The following TIAM1 variants were observed in gnomAD, a reference collection of about 807,000 sequenced individuals.
TIAM1 encodes TIAM Rac1 associated GEF 1.
Under a neutral mutation model 163.5 loss-of-function variants are expected in TIAM1, and 65 were observed. That is an observed-to-expected ratio of 0.40 (90% CI 0.33 to 0.49). TIAM1 has a LOEUF of 0.49. TIAM1 is among the 20% of genes least tolerant of loss of function. The pLI is 0.77. For missense variants in TIAM1, 1,789 were observed against 2,044.7 expected (o/e 0.87, Z 2.41); for synonymous variants, 833 against 810.1 (o/e 1.03, Z -0.48).
chr21:31,362,996 T>C (rs1285674710), intron 2 of TIAM1, among the ~76,000 whole-genome samples: 1 of 152,106 alleles, frequency 6.6e-6, no homozygotes, highest in Non-Finnish European at 1.5e-5. Flanking sequence ...TGCACCTCCA[T>C]ACTTCTTCCA....
At chr21:31,442,109 A>G (rs1429138662) in intron 2 of TIAM1, among the ~76,000 whole-genome samples, 1 of 138,888 alleles carries the variant, frequency 7.2e-6, no homozygotes, top group Non-Finnish European at 1.6e-5. Context: ...GTATTGTAAC[A>G]GGGAAAAGAG....
At chr21:31,191,627 A>G (rs2085566174) in intron 13 of TIAM1, among the ~76,000 whole-genome samples, 1 of 152,242 alleles carries the variant, frequency 6.6e-6, no homozygotes. Flanking sequence ...TGGTCACAAA[A>G]GAGTGGAAAT....
intron 3 of TIAM1, among the ~76,000 whole-genome samples, chr21:31,273,036 G>A (rs916765489): frequency 4.6e-5 from 7 of 152,102 alleles, no homozygotes; most frequent in Non-Finnish European, 1.0e-4. Context: ...CCCAGCTAAT[G>A]ACAACTAAAA....
chr21:31,530,612 T>C (rs940033111), intron 1 of TIAM1, among the ~76,000 whole-genome samples: 1 of 152,208 alleles, frequency 6.6e-6, no homozygotes. Context: ...CCCGACTGTA[T>C]GAGCCCCCCT....
intron 13 of TIAM1, among the ~76,000 whole-genome samples, chr21:31,193,810 A>G (rs967841452): frequency 6.6e-6 from 1 of 152,226 alleles, no homozygotes; most frequent in Non-Finnish European, 1.5e-5. Flanking sequence ...TGAATCGGGA[A>G]AAGCTAGCTG....
intron 1 of TIAM1, among the ~76,000 whole-genome samples, chr21:31,341,956 G>C (rs2147098062): frequency 6.6e-6 from 1 of 152,204 alleles, no homozygotes; most frequent in African/African-American, 2.4e-5. Flanking sequence ...AAGACTGATG[G>C]GGAAAAGGTA....
intron 2 of TIAM1, among the ~76,000 whole-genome samples, chr21:31,367,255 C>T (rs2076519567): frequency 6.6e-6 from 1 of 152,124 alleles, no homozygotes; most frequent in East Asian, 1.9e-4. Flanking sequence ...CTTTCAGTTG[C>T]AAGCCCTATG....
At chr21:31,326,114 G>A (rs530660275) in intron 2 of TIAM1, among the ~76,000 whole-genome samples, 205 of 152,220 alleles carry the variant, frequency 1.3e-3, no homozygotes, top group Non-Finnish European at 2.4e-3. Context: ...TGACCCCAGC[G>A]AGACCCCAAC....
intron 1 of TIAM1, among the ~76,000 whole-genome samples, chr21:31,486,215 C>A (rs1420017069): frequency 6.6e-6 from 1 of 152,208 alleles, no homozygotes; most frequent in Non-Finnish European, 1.5e-5. Flanking sequence ...TCCCAGCCAT[C>A]CAGCACTGGA....
chr21:31,298,767 T>TGTGTGTGTGAGA (rs777256501), intron 2 of TIAM1, among the ~76,000 whole-genome samples: 5 of 125,954 alleles, frequency 4.0e-5, no homozygotes, highest in East Asian at 2.4e-4. Flanking sequence ...TGTGTGTGTG[T>TGTGTGTGTGAGA]GAGAAACAGA....
intron 13 of TIAM1, among the ~76,000 whole-genome samples, chr21:31,189,498 C>CT (rs2085456116): frequency 6.6e-6 from 1 of 152,084 alleles, no homozygotes; most frequent in Admixed American, 6.6e-5. Context: ...TCAGACATCT[C>CT]TAATTAGTGG....
rs150053565 is a variant in TIAM1 at position 31,359,244 on chromosome 21, A to G, written c.-368-19822T>C. 3.0e-3 allele frequency among the ~76,000 whole-genome samples: 460 copies of G among 152,284 alleles called. 8 individuals carry two copies. The highest frequency in any genetic ancestry group is 0.028 in the Admixed American group (428 of 15,278). ...CTTAATTAATTCATTTAAAATGAAG[A>G]CGTAACTCATTACAATTAATAAACA... On this transcript the variant is annotated intron_variant, in intron 2 of 28. Transcript: ENST00000286827.
chr21:31,341,557 G>C (rs1371290617), intron 1 of TIAM1, among the ~76,000 whole-genome samples: 1 of 152,174 alleles, frequency 6.6e-6, no homozygotes, highest in Non-Finnish European at 1.5e-5. Flanking sequence ...TTACCAGTAA[G>C]TCTTATGTAA....
chr21:31,253,042 T>C (rs1168783432), intron 4 of TIAM1, among the ~76,000 whole-genome samples: 1 of 152,254 alleles, frequency 6.6e-6, no homozygotes, highest in Non-Finnish European at 1.5e-5. Context: ...GCTTCTGCTC[T>C]GAAGCTGAAC....
At chr21:31,525,396 G>A (rs1248676768) in intron 1 of TIAM1, among the ~76,000 whole-genome samples, 9 of 151,264 alleles carry the variant, frequency 5.9e-5, no homozygotes, top group Admixed American at 4.6e-4. Context: ...CAGATCTGAC[G>A]GGAACTCATA....
At chr21:31,386,063 A>C (rs570900269) in intron 2 of TIAM1, among the ~76,000 whole-genome samples, 5 of 152,162 alleles carry the variant, frequency 3.3e-5, no homozygotes, top group African/African-American at 1.2e-4. Flanking sequence ...TTCAAGGTCA[A>C]AGCAAGGACG....
At position 31,178,303 on chromosome 21, in the gene TIAM1, C is replaced by CTTTT. The variant is rs10671534; in HGVS notation, c.2887+4114_2887+4117dup. ...CTACTTGACCAAGTATTCAGGAATT[C>CTTTT]TTTTTTTTTTTTTTTTTTTTTTTGA... On this transcript the variant is annotated intron_variant, in intron 15 of 27. Transcript: ENST00000541036. 0.013 allele frequency among the ~76,000 whole-genome samples: 1,255 copies of CTTTT among 96,108 alleles called. 126 individuals are homozygous for CTTTT. In the East Asian group the frequency reaches 0.2, roughly 15 times the overall value. 63.1% of individuals were successfully genotyped at this position (96,108 alleles called of 152,430 possible).
chr21:31,210,534 A>AAAAGAAAGAAAG (rs1214068044), intron 10 of TIAM1, among the ~76,000 whole-genome samples: 3,198 of 55,530 alleles, frequency 0.058, 178 homozygotes, highest in South Asian at 0.076. Context: ...GGAAGGAAGG[A>AAAAGAAAGAAAG]AAAGAAAGAA....
intron 2 of TIAM1, among the ~76,000 whole-genome samples, chr21:31,450,636 T>C (rs115531531): frequency 2.0e-5 from 3 of 152,278 alleles, no homozygotes; most frequent in African/African-American, 7.2e-5. Flanking sequence ...GATAAAGACA[T>C]ACCCGAGACT....
Sources: gnomAD v4.1 joint callset for allele counts (sites outside exome capture counted in the v4.1 genomes callset) on GRCh38, gnomAD v4.1.1 for gene constraint, MANE v1.5 for transcripts, NCBI Gene and HGNC (gene_info 2026-07-23, HGNC 2026-07-21) for gene names.